MIPOL1: variants seen among roughly 807,000 people sequenced by gnomAD.
The protein encoded by MIPOL1 is mirror-image polydactyly 1.
A neutral mutation model predicts 60.9 loss-of-function variants in MIPOL1; 57 were observed. The ratio of observed to expected loss-of-function variants is 0.94; its 90% CI spans 0.76 to 1.17. The LOEUF (loss-of-function observed/expected upper bound fraction) is 1.17, where lower values mean the gene tolerates loss of function less well. Ranked by LOEUF, MIPOL1 falls within the 50% of genes most tolerant of loss-of-function variation. MIPOL1 has a pLI of 0.00. For missense variants in MIPOL1, 551 were observed against 511.6 expected (o/e 1.08, Z -0.74); for synonymous variants, 179 against 168.8 (o/e 1.06, Z -0.47).
At chr14:37,430,801 A>G (rs1156958561) in intron 11 of MIPOL1, among the ~76,000 whole-genome samples, 2 of 152,230 alleles carry the variant, frequency 1.3e-5, no homozygotes, top group African/African-American at 4.8e-5. Context: ...GACATAAGAC[A>G]ATTAAATTAG....
intron 9 of MIPOL1, among the ~76,000 whole-genome samples, chr14:37,332,224 G>A (rs1005419205): frequency 6.6e-6 from 1 of 152,016 alleles, no homozygotes; most frequent in Admixed American, 6.6e-5. Flanking sequence ...ATGTTGAGAT[G>A]TGTTCCTTCC....
chr14:37,373,730 G>A (rs2092702455), intron 10 of MIPOL1, among the ~76,000 whole-genome samples: 1 of 152,064 alleles, frequency 6.6e-6, no homozygotes, highest in Non-Finnish European at 1.5e-5. Context: ...CTTTTTGATG[G>A]CTGCATAACA....
intron 12 of MIPOL1, among the ~76,000 whole-genome samples, chr14:37,517,281 T>G (rs72674234): frequency 0.055 from 8,388 of 152,270 alleles, 514 homozygotes; most frequent in East Asian, 0.32. Context: ...AACTTATATA[T>G]TTTTAATTAA....
chr14:37,480,177 A>G lies in MIPOL1; in HGVS notation c.1032-19731A>G, dbSNP rs550200110. Among the ~76,000 whole-genome samples the G allele has an allele frequency of 4.6e-5, 7 of 152,294 alleles. No homozygotes were observed. The South Asian group carries it at 1.5e-3, about 32-fold the overall frequency. Reference sequence around the variant, plus strand: ...CTCTAACTCTTCCCAAAAATTAAAGAGGAGAGAATACTTCCAAACTCTTTT... The same window carrying G: ...CTCTAACTCTTCCCAAAAATTAAAGGGGAGAGAATACTTCCAAACTCTTTT... On this transcript the variant is annotated intron_variant, in intron 11 of 12. Transcript: ENST00000684589.
intron 11 of MIPOL1, among the ~76,000 whole-genome samples, chr14:37,432,020 C>T (rs2094080008): frequency 6.6e-6 from 1 of 152,162 alleles, no homozygotes; most frequent in South Asian, 2.1e-4. Context: ...ATTTTGTGCA[C>T]TCCCAAAATA....
At position 37,431,860 on chromosome 14, in the gene MIPOL1, C is replaced by T. The variant is rs1209889844; in HGVS notation, c.1031+8911C>T. Among the ~76,000 whole-genome samples the T allele has an allele frequency of 3.9e-5, 6 of 152,078 alleles. 1 individual carries two copies. The South Asian group carries it at 1.0e-3, about 26-fold the overall frequency. ...TCAGCCTCCCAAAGTGCTGGGATTA[C>T]AGGCGTGAGCCACTACGCCCGGCCC... On this transcript the variant is annotated intron_variant, in intron 11 of 12. Transcript: ENST00000684589.
chr14:37,204,638 C>A (rs1040026544), intron 1 of MIPOL1, among the ~76,000 whole-genome samples: 1 of 152,110 alleles, frequency 6.6e-6, no homozygotes, highest in African/African-American at 2.4e-5. Context: ...GCCTCCCAAG[C>A]CACGTGGAAC....
chr14:37,517,341 T>C (rs2095377734), intron 12 of MIPOL1, among the ~76,000 whole-genome samples: 2 of 152,230 alleles, frequency 1.3e-5, no homozygotes, highest in African/African-American at 4.8e-5. Context: ...AATTATATTG[T>C]AGCCTCAGAA....
At chr14:37,446,714 C>T in intron 11 of MIPOL1, among the ~76,000 whole-genome samples, 1 of 152,094 alleles carries the variant, frequency 6.6e-6, no homozygotes, top group Non-Finnish European at 1.5e-5. Flanking sequence ...GAAAATGTGG[C>T]ACATATGCAC....
intron 7 of MIPOL1, among the ~76,000 whole-genome samples, 180 bp from the exon 8 acceptor site, chr14:37,307,876 A>G (rs578005405): frequency 2.3e-4 from 35 of 152,156 alleles, no homozygotes; most frequent in African/African-American, 4.3e-4. Context: ...TGCAGAAGAT[A>G]TGGAGCATTA....
chr14:37,374,564 A>T (rs1246586315), intron 10 of MIPOL1, among the ~76,000 whole-genome samples: 1 of 152,074 alleles, frequency 6.6e-6, no homozygotes, highest in Non-Finnish European at 1.5e-5. Context: ...TTTTTGTATA[A>T]GATGTAAGGA....
chr14:37,414,269 A>G (rs1291249968), intron 10 of MIPOL1, among the ~76,000 whole-genome samples: 1 of 152,170 alleles, frequency 6.6e-6, no homozygotes, highest in East Asian at 1.9e-4. Flanking sequence ...CATTTCCTAA[A>G]GGCATGAAAC....
At chr14:37,432,678 T>C (rs1021746162) in intron 11 of MIPOL1, among the ~76,000 whole-genome samples, 2 of 152,170 alleles carry the variant, frequency 1.3e-5, no homozygotes, top group African/African-American at 4.8e-5. Flanking sequence ...GGATTTTACC[T>C]TTCTTAAAAT....
intron 3 of MIPOL1, among the ~76,000 whole-genome samples, chr14:37,263,154 CTG>C (rs1198542371): frequency 6.6e-6 from 1 of 152,172 alleles, no homozygotes; most frequent in Non-Finnish European, 1.5e-5. Context: ...TATTGTAACA[CTG>C]TTAACTTTCC....
chr14:37,267,213 C>T lies in MIPOL1; in HGVS notation c.251+44C>T, dbSNP rs539841907. The T allele has an allele frequency of 6.2e-5, 91 of 1,468,352 alleles. 1 individual carries two copies. The South Asian group carries it at 8.2e-4, about 13-fold the overall frequency. 91.0% of individuals were successfully genotyped at this position (1,468,352 alleles called of 1,614,324 possible). On this transcript the variant is annotated intron_variant, in intron 4 of 12. Transcript: ENST00000684589. The stretch of plus-strand genomic sequence containing the variant: ...AGATTTAGAAGGAATTGGGGCCAGG[C>T]GTGGTGGCTCATGCCTGTAATCTCA...
intron 9 of MIPOL1, among the ~76,000 whole-genome samples, chr14:37,353,375 G>A (rs1439541196): frequency 1.6e-5 from 2 of 124,992 alleles, no homozygotes; most frequent in African/African-American, 6.1e-5. Context: ...CTCTTTTTTT[G>A]TTGTGTCTCT....
In MIPOL1 at chr14:37,206,686, A is replaced by T. The variant is rs1384675892; in HGVS notation, c.-199+8582A>T. Among the ~76,000 whole-genome samples, 11 of 152,188 alleles carry T rather than the reference A, an allele frequency of 7.2e-5. 1 individual carries two copies. The highest frequency in any genetic ancestry group is 6.5e-4 in the Admixed American group (10 of 15,280). On this transcript the variant is annotated intron_variant, in intron 1 of 12. Coordinates refer to ENST00000684589, the MANE Select transcript of MIPOL1 (RefSeq NM_001388067.1). ...GCTGGGAGGGAGGCTGTACCCTGCA[A>T]AGCCACAGGGGCAGAGCTGCCCAAG...
At chr14:37,205,841 G>A (rs1279482610) in intron 1 of MIPOL1, among the ~76,000 whole-genome samples, 1 of 152,136 alleles carries the variant, frequency 6.6e-6, no homozygotes, top group Non-Finnish European at 1.5e-5. Context: ...GTGTAAATGT[G>A]CCACATTGTC....
intron 11 of MIPOL1, among the ~76,000 whole-genome samples, chr14:37,494,647 A>T (rs1429209499): frequency 6.6e-6 from 1 of 152,216 alleles, no homozygotes; most frequent in Non-Finnish European, 1.5e-5. Context: ...GCTCTGCTAC[A>T]TGTATTAAAT....
Sources: allele counts gnomAD v4.1 joint callset (sites outside exome capture counted in the v4.1 genomes callset), GRCh38; gene constraint gnomAD v4.1.1; transcripts MANE v1.5; gene names NCBI Gene and HGNC (gene_info 2026-07-23, HGNC 2026-07-21).